MTHFD1: variants seen among roughly 807,000 people sequenced by gnomAD.
The protein encoded by MTHFD1 is C-1-tetrahydrofolate synthase, cytoplasmic.
A neutral mutation model predicts 110.3 loss-of-function variants in MTHFD1; 44 were observed. That is an observed-to-expected ratio of 0.40 (90% CI 0.31 to 0.51). MTHFD1 has a LOEUF of 0.51. Ranked by LOEUF, MTHFD1 falls within the 20% of genes least tolerant of loss-of-function variation. MTHFD1 has a pLI of 0.60. For synonymous variants in MTHFD1, 402 were observed against 428.8 expected, an observed-to-expected ratio of 0.94 and a Z score of 0.77; for missense variants, 909 against 1,173.1, an observed-to-expected ratio of 0.77 and a Z score of 3.29.
intron 5 of MTHFD1, 70 bp from the exon 6 acceptor site, chr14:64,415,569 A>G: frequency 6.2e-7 from 1 of 1,613,540 alleles, no homozygotes; most frequent in Non-Finnish European, 8.5e-7. Flanking sequence ...GGAATACAGC[A>G]TAAATGTTTC....
chr14:64,449,568 C>T lies in MTHFD1; in HGVS notation c.2403C>T (p.Ala801=), dbSNP rs745539820. The part of the protein sequence containing the change: ...GGKGALALAQ[A]VQRAAQAPSS... Reference sequence around the variant, plus strand: ...AGGGTGCCTTAGCCCTGGCTCAGGCCGTCCAGAGAGCAGCACAAGCACCCA... The same window carrying T: ...AGGGTGCCTTAGCCCTGGCTCAGGCTGTCCAGAGAGCAGCACAAGCACCCA... The change falls in exon 24 of 28, where the codon GCC becomes GCT. Residue 801 remains alanine, a synonymous_variant. Transcript: ENST00000652337. 13 of 1,614,148 alleles carry T rather than the reference C, an allele frequency of 8.1e-6. No homozygotes were observed. The highest frequency in any genetic ancestry group is 3.3e-5 in the Admixed American group (2 of 60,024).
intron 8 of MTHFD1, among the ~76,000 whole-genome samples, chr14:64,424,465 G>A (rs1380389613): frequency 2.0e-5 from 3 of 152,086 alleles, no homozygotes; most frequent in Non-Finnish European, 4.4e-5. Flanking sequence ...TCCTTTGTAG[G>A]CTTTAGCAAA....
At chr14:64,439,489 A>C (rs2078231798) in intron 17 of MTHFD1, 1 of 409,374 alleles carries the variant, frequency 2.4e-6, no homozygotes, top group African/African-American at 2.0e-5. Flanking sequence ...CCTTGGTTTA[A>C]GAGGTACCAT....
At chr14:64,451,561 A>C (rs1357330836) in intron 24 of MTHFD1, among the ~76,000 whole-genome samples, 1 of 152,248 alleles carries the variant, frequency 6.6e-6, no homozygotes, top group Admixed American at 6.5e-5. Flanking sequence ...ATAAACACAA[A>C]TTTGCACACA....
chr14:64,412,586 G>A (rs1399930930), intron 4 of MTHFD1, 61 bp downstream of exon 4: 1 of 1,308,054 alleles, frequency 7.6e-7, no homozygotes, highest in Non-Finnish European at 1.1e-6. Flanking sequence ...TCTGGTTTTG[G>A]TTTACGGGGG....
intron 4 of MTHFD1, among the ~76,000 whole-genome samples, chr14:64,413,506 T>C (rs952966705): frequency 6.6e-6 from 1 of 152,202 alleles, no homozygotes; most frequent in African/African-American, 2.4e-5. Context: ...AGATTAATGC[T>C]AAACTGTAGG....
chr14:64,456,408 C>T (rs2078474624), intron 26 of MTHFD1, among the ~76,000 whole-genome samples: 1 of 152,124 alleles, frequency 6.6e-6, no homozygotes, highest in South Asian at 2.1e-4. Context: ...ATTTTCAGAA[C>T]TTTATATCTA....
At position 64,459,787 on chromosome 14, in the gene MTHFD1, T is replaced by C. The variant is rs1273801902; in HGVS notation, c.*33T>C. On this transcript the variant is annotated 3_prime_UTR_variant, in exon 28 of 28. Coordinates refer to ENST00000652337, the MANE Select transcript of MTHFD1 (RefSeq NM_005956.4). ...ACCATCCATCTTCAAGAAGCTACTT[T>C]GAAAGTCTGGCCAGTGTCTATTCAG... 1 of 1,534,468 alleles carries C rather than the reference T, an allele frequency of 6.5e-7. No individual in the cohort carries two copies. The highest frequency in any genetic ancestry group is 2.0e-5 in the Admixed American group (1 of 50,386).
Position 64,430,650 on chromosome 14 carries a change from C to T in MTHFD1, c.1311+420C>T, listed in dbSNP as rs141198249. On this transcript the variant is annotated intron_variant, in intron 13 of 27. Transcript: ENST00000652337. ...GGAGATTAGCCTTTTTTGTAGAGCT[C>T]TTAGCGGACAAATGACTTGTTTCTC... Among the ~76,000 whole-genome samples the T allele has an allele frequency of 6.0e-4, 91 of 152,196 alleles. No homozygotes were observed. The East Asian group carries it at 0.016, about 27-fold the overall frequency.
rs748367282 is a variant in MTHFD1, at chr14:64,442,190, G to A, written c.1996+25G>A. The A allele has an allele frequency of 5.0e-6, 8 of 1,613,864 alleles. No individual in the cohort carries two copies. In the East Asian group the frequency reaches 1.8e-4, roughly 36 times the overall value. On this transcript the variant is annotated intron_variant, in intron 20 of 27. Coordinates refer to ENST00000652337, the MANE Select transcript of MTHFD1 (RefSeq NM_005956.4). Reference sequence around the variant, plus strand: ...GGTTAGTGTTTTTTGCAAAACCAGTGAATAGACTGTATGTTTCTTTTAACA... The same window carrying A: ...GGTTAGTGTTTTTTGCAAAACCAGTAAATAGACTGTATGTTTCTTTTAACA...
intron 27 of MTHFD1, 102 bp from the exon 28 acceptor site, chr14:64,459,657 C>T: frequency 1.0e-6 from 1 of 995,216 alleles, no homozygotes; most frequent in Non-Finnish European, 1.4e-6. Flanking sequence ...TAAATGTTAA[C>T]AGCTTTGGCA....
chr14:64,419,341 C>G, intron 7 of MTHFD1: 1 of 242,004 alleles, frequency 4.1e-6, no homozygotes, highest in South Asian at 6.0e-5. Flanking sequence ...TGTTCTAGAT[C>G]CCTGCATCAG....
intron 1 of MTHFD1, among the ~76,000 whole-genome samples, chr14:64,393,593 A>G (rs2077823356): frequency 6.6e-6 from 1 of 152,196 alleles, no homozygotes. Flanking sequence ...GGTTGCAGCG[A>G]TAGTGCAGCA....
intron 16 of MTHFD1, among the ~76,000 whole-genome samples, chr14:64,437,222 C>A (rs1366399192): frequency 3.3e-5 from 5 of 151,812 alleles, no homozygotes; most frequent in African/African-American, 9.7e-5. Context: ...AAAAAACCCA[C>A]AAAATATATA....
chr14:64,415,213 G>A, intron 4 of MTHFD1, 145 bp from the exon 5 acceptor site: 1 of 691,610 alleles, frequency 1.4e-6, no homozygotes, highest in East Asian at 2.7e-5. Context: ...GTGCTCTCAG[G>A]ATTCAAGGGG....
At chr14:64,412,634 A>ATTTTTT (rs10678665) in intron 4 of MTHFD1, 109 bp downstream of exon 4, 3 of 480,748 alleles carry the variant, frequency 6.2e-6, no homozygotes, top group Non-Finnish European at 1.1e-5. Context: ...ACCTCCAGGT[A>ATTTTTT]TTTTTTTTTT....
At chr14:64,412,741 A>G (rs559472334) in intron 4 of MTHFD1, among the ~76,000 whole-genome samples, 43 of 149,556 alleles carry the variant, frequency 2.9e-4, no homozygotes, top group Admixed American at 6.7e-4. Context: ...AGGTTCAAGC[A>G]ATTCTCCTGC....
At chr14:64,450,301 G>A (rs2078350017) in intron 24 of MTHFD1, among the ~76,000 whole-genome samples, 1 of 152,172 alleles carries the variant, frequency 6.6e-6, no homozygotes, top group African/African-American at 2.4e-5. Flanking sequence ...ATTGGTAAGG[G>A]GCTGCATCGA....
chr14:64,403,072 A>G (rs1280311871), intron 2 of MTHFD1, among the ~76,000 whole-genome samples: 1 of 151,686 alleles, frequency 6.6e-6, no homozygotes, highest in African/African-American at 2.4e-5. Flanking sequence ...TGATCCTCCC[A>G]CTCAGCCTCC....
Sources: gnomAD v4.1 joint callset for allele counts (sites outside exome capture counted in the v4.1 genomes callset) on GRCh38, gnomAD v4.1.1 for gene constraint, MANE v1.5 for transcripts, NCBI Gene and HGNC (gene_info 2026-07-23, HGNC 2026-07-21) for gene names.